Variants in RSPO3 observed in about 807,000 individuals in gnomAD.
RSPO3 encodes R-spondin-3.
A neutral mutation model predicts 36.5 loss-of-function variants in RSPO3; 17 were observed. That is an observed-to-expected ratio of 0.47 (90% CI 0.32 to 0.70). The LOEUF is 0.70. Ranked by LOEUF, RSPO3 falls within the 30% of genes least tolerant of loss-of-function variation. The pLI is 0.04. For synonymous variants in RSPO3, 108 were observed against 107.0 expected (o/e 1.01, Z -0.06); for missense variants, 294 against 322.5 (o/e 0.91, Z 0.68).
intron 1 of RSPO3, among the ~76,000 whole-genome samples, chr6:127,124,620 A>G (rs1283146779): frequency 6.6e-6 from 1 of 151,676 alleles, no homozygotes; most frequent in East Asian, 1.9e-4. Flanking sequence ...TTTCTTAATT[A>G]GAGATTTTTC....
chr6:127,186,603 TG>T (rs1775299359), intron 4 of RSPO3, among the ~76,000 whole-genome samples: 1 of 152,070 alleles, frequency 6.6e-6, no homozygotes, highest in South Asian at 2.1e-4. Context: ...AAAAATTTAC[TG>T]GGAAAAAATT....
At chr6:127,193,393 T>C (rs1298882597) in intron 4 of RSPO3, among the ~76,000 whole-genome samples, 1 of 152,212 alleles carries the variant, frequency 6.6e-6, no homozygotes, top group Non-Finnish European at 1.5e-5. Flanking sequence ...CAAAACATTA[T>C]GGTTGGGATC....
intron 1 of RSPO3, among the ~76,000 whole-genome samples, chr6:127,139,824 G>C (rs997554610): frequency 1.3e-5 from 2 of 152,060 alleles, no homozygotes; most frequent in Admixed American, 1.3e-4. Context: ...GCCACTTGGA[G>C]AAGGGGAAGC....
At chr6:127,159,644 C>CTTTTT (rs869033594) in intron 4 of RSPO3, among the ~76,000 whole-genome samples, 10 of 123,284 alleles carry the variant, frequency 8.1e-5, no homozygotes, top group African/African-American at 1.3e-4. Flanking sequence ...ATACATTCTC[C>CTTTTT]TTTTTTTTTT....
chr6:127,125,848 G>T (rs779529075), intron 1 of RSPO3, among the ~76,000 whole-genome samples: 5 of 152,076 alleles, frequency 3.3e-5, no homozygotes, highest in African/African-American at 4.8e-5. Context: ...TGACTCAAGG[G>T]TCACTTCAGA....
At chr6:127,144,323 TATAAAG>T (rs998630090) in intron 1 of RSPO3, among the ~76,000 whole-genome samples, 1 of 152,180 alleles carries the variant, frequency 6.6e-6, no homozygotes, top group Non-Finnish European at 1.5e-5. Context: ...TTTACTTATA[TATAAAG>T]ATATAGTTAC....
chr6:127,180,511 AAAAAC>A, intron 4 of RSPO3, among the ~76,000 whole-genome samples: 1 of 150,342 alleles, frequency 6.7e-6, no homozygotes, highest in African/African-American at 2.4e-5. Flanking sequence ...AAAAAAAAAA[AAAAAC>A]CACCAGATCT....
chr6:127,168,687 G>C (rs1265583787), intron 4 of RSPO3, among the ~76,000 whole-genome samples: 8 of 152,116 alleles, frequency 5.3e-5, no homozygotes, highest in African/African-American at 1.9e-4. Context: ...CCTATGTCCT[G>C]AATGGTATTG....
At chr6:127,142,970 C>T (rs561525214) in intron 1 of RSPO3, among the ~76,000 whole-genome samples, 4 of 145,448 alleles carry the variant, frequency 2.8e-5, no homozygotes, top group Non-Finnish European at 6.0e-5. Context: ...CATGTGTCAC[C>T]GTGCCCAGCT....
chr6:127,185,173 C>A (rs896935823), intron 4 of RSPO3, among the ~76,000 whole-genome samples: 1 of 151,884 alleles, frequency 6.6e-6, no homozygotes, highest in Non-Finnish European at 1.5e-5. Context: ...CTATATGTAA[C>A]CATTATTGAT....
intron 1 of RSPO3, among the ~76,000 whole-genome samples, chr6:127,145,487 T>C (rs1012743775): frequency 6.6e-6 from 1 of 152,092 alleles, no homozygotes; most frequent in Admixed American, 6.6e-5. Context: ...CTCACAAAAG[T>C]TTCTGTAATC....
intron 1 of RSPO3, among the ~76,000 whole-genome samples, chr6:127,132,011 A>G (rs1774068729): frequency 6.6e-6 from 1 of 152,100 alleles, no homozygotes; most frequent in African/African-American, 2.4e-5. Context: ...GCACTGAAAT[A>G]CCTTTTTGTT....
chr6:127,187,904 C>T (rs977434954), intron 4 of RSPO3, among the ~76,000 whole-genome samples: 98 of 152,156 alleles, frequency 6.4e-4, no homozygotes, highest in African/African-American at 2.2e-3. Context: ...GAGTAAAATT[C>T]GTAAACATTG....
intron 1 of RSPO3, among the ~76,000 whole-genome samples, chr6:127,129,404 C>A (rs555052639): frequency 6.6e-6 from 1 of 151,966 alleles, no homozygotes; most frequent in Admixed American, 6.6e-5. Flanking sequence ...AGACTTAATC[C>A]TGCTAGTTAA....
chr6:127,142,300 C>T (rs1774288598), intron 1 of RSPO3, among the ~76,000 whole-genome samples: 1 of 152,132 alleles, frequency 6.6e-6, no homozygotes, highest in Non-Finnish European at 1.5e-5. Flanking sequence ...TACTTGCAAG[C>T]TTTAACACAT....
chr6:127,189,243 G>A (rs556955541), intron 4 of RSPO3, among the ~76,000 whole-genome samples: 2 of 152,074 alleles, frequency 1.3e-5, no homozygotes, highest in East Asian at 3.9e-4. Flanking sequence ...AAATAGTCCA[G>A]CCTAGGAAGA....
chr6:127,182,965 C>T (rs555965747), intron 4 of RSPO3, among the ~76,000 whole-genome samples: 1 of 152,126 alleles, frequency 6.6e-6, no homozygotes, highest in Admixed American at 6.6e-5. Flanking sequence ...GTTATTTTGT[C>T]ATCTTTCAAC....
chr6:127,172,890 A>T (rs1213464543), intron 4 of RSPO3, among the ~76,000 whole-genome samples: 1 of 151,802 alleles, frequency 6.6e-6, no homozygotes, highest in African/African-American at 2.4e-5. Flanking sequence ...TGATATTTCA[A>T]GTATTTGAGG....
At chr6:127,148,050 C>G (rs1053496321) in intron 1 of RSPO3, among the ~76,000 whole-genome samples, 3 of 152,118 alleles carry the variant, frequency 2.0e-5, no homozygotes, top group African/African-American at 7.2e-5. Context: ...ATAGCTTCAG[C>G]ATCAGTTTGC....
Sources: gnomAD v4.1 joint callset for allele counts (sites outside exome capture counted in the v4.1 genomes callset) on GRCh38, gnomAD v4.1.1 for gene constraint, MANE v1.5 for transcripts, NCBI Gene and HGNC (gene_info 2026-07-23, HGNC 2026-07-21) for gene names.